The following ROBO2 variants were observed in gnomAD, a reference collection of about 807,000 sequenced individuals.
ROBO2 encodes roundabout homolog 2.
Under a neutral mutation model 160.8 loss-of-function variants are expected in ROBO2, and 53 were observed. That is an observed-to-expected ratio of 0.33 (90% CI 0.26 to 0.41). The LOEUF is 0.41. Ranked by LOEUF, ROBO2 falls within the 10% of genes least tolerant of loss-of-function variation. The pLI, the probability that ROBO2 is intolerant of heterozygous loss-of-function variation, is 1.00. For missense variants in ROBO2, 1,577 were observed against 1,722.4 expected, an observed-to-expected ratio of 0.92 and a Z score of 1.49; for synonymous variants, 664 against 611.7, an observed-to-expected ratio of 1.09 and a Z score of -1.26.
chr3:77,235,355 A>ATTTT (rs35778905), intron 2 of ROBO2, among the ~76,000 whole-genome samples: 28,275 of 143,522 alleles, frequency 0.2, 3,140 homozygotes, highest in Middle Eastern at 0.29. Flanking sequence ...AGAGGAGAAT[A>ATTTT]TTTTTTTTTT....
intron 2 of ROBO2, among the ~76,000 whole-genome samples, chr3:76,631,782 C>T (rs938934865): frequency 1.3e-5 from 2 of 151,996 alleles, no homozygotes; most frequent in Non-Finnish European, 2.9e-5. Context: ...ATTAGCAATC[C>T]CACCTCCCTA....
intron 1 of ROBO2, among the ~76,000 whole-genome samples, chr3:77,066,540 A>G (rs949344111): frequency 1.3e-5 from 2 of 152,188 alleles, no homozygotes; most frequent in African/African-American, 4.8e-5. Flanking sequence ...TGAAAAAAGT[A>G]TTTGTATTTG....
At chr3:77,434,763 G>T (rs1342967795) in intron 2 of ROBO2, among the ~76,000 whole-genome samples, 1 of 152,042 alleles carries the variant, frequency 6.6e-6, no homozygotes, top group Non-Finnish European at 1.5e-5. Context: ...AGTGTTTTTG[G>T]TGTTAAGGGT....
At chr3:76,140,183 A>G (rs570564129) in intron 2 of ROBO2, among the ~76,000 whole-genome samples, 2 of 152,230 alleles carry the variant, frequency 1.3e-5, no homozygotes, top group South Asian at 4.1e-4. Flanking sequence ...AAGAACCTAC[A>G]TGAAAGCTGA....
In ROBO2 at chr3:76,689,179, A is replaced by G. The variant is rs968738409; in HGVS notation, c.110-408835A>G. Among the ~76,000 whole-genome samples the G allele has an allele frequency of 2.6e-5, 4 of 152,106 alleles. No homozygotes were observed. The East Asian group carries it at 5.8e-4, about 22-fold the overall frequency. Reference sequence around the variant, plus strand: ...TGGTATCTTATTGACAAATTCAATTATGTTTCAGAAATATATAACATCATG... The same window carrying G: ...TGGTATCTTATTGACAAATTCAATTGTGTTTCAGAAATATATAACATCATG... On this transcript the variant is annotated intron_variant, in intron 2 of 26. Transcript: ENST00000487694.
intron 2 of ROBO2, among the ~76,000 whole-genome samples, chr3:76,343,870 A>T (rs1031104467): frequency 6.6e-6 from 1 of 152,118 alleles, no homozygotes; most frequent in African/African-American, 2.4e-5. Context: ...TTATTCTAGT[A>T]AATCAGAATG....
intron 2 of ROBO2, among the ~76,000 whole-genome samples, chr3:77,468,525 G>A (rs1037583593): frequency 6.6e-6 from 1 of 152,172 alleles, no homozygotes; most frequent in Admixed American, 6.6e-5. Flanking sequence ...AAACATTAAG[G>A]AAGACTTGGC....
intron 5 of ROBO2, among the ~76,000 whole-genome samples, chr3:77,516,251 GT>G (rs35501511): frequency 0.02 from 3,007 of 151,598 alleles, 102 homozygotes; most frequent in African/African-American, 0.067. Context: ...CAGCTATATG[GT>G]TTGCTTTCAG....
intron 2 of ROBO2, among the ~76,000 whole-genome samples, chr3:75,986,805 A>AT (rs1362706523): frequency 1.7e-4 from 25 of 150,716 alleles, no homozygotes; most frequent in Middle Eastern, 3.4e-3. Flanking sequence ...ATCTTTTTTT[A>AT]TTTTTATTTT....
At chr3:77,597,597 C>A (rs1464172530) in intron 19 of ROBO2, among the ~76,000 whole-genome samples, 1 of 152,108 alleles carries the variant, frequency 6.6e-6, no homozygotes, top group Non-Finnish European at 1.5e-5. Flanking sequence ...TGTGCTTAAA[C>A]TGCCTTGCCA....
At chr3:77,219,307 C>G (rs1328299810) in intron 2 of ROBO2, among the ~76,000 whole-genome samples, 1 of 151,388 alleles carries the variant, frequency 6.6e-6, no homozygotes, top group East Asian at 1.9e-4. Flanking sequence ...CCCATTGTTG[C>G]TCCTTTTCAT....
intron 5 of ROBO2, among the ~76,000 whole-genome samples, chr3:77,514,187 A>G (rs1582616762): frequency 6.6e-6 from 1 of 151,788 alleles, no homozygotes; most frequent in African/African-American, 2.4e-5. Context: ...TTCATACCAA[A>G]ATAAACTCCA....
chr3:76,466,450 T>C (rs1400174441), intron 2 of ROBO2, among the ~76,000 whole-genome samples: 1 of 151,970 alleles, frequency 6.6e-6, no homozygotes, highest in Non-Finnish European at 1.5e-5. Context: ...ATACTATTCT[T>C]TTTTTATTCA....
At chr3:76,270,061 G>T (rs1484350307) in intron 2 of ROBO2, among the ~76,000 whole-genome samples, 1 of 151,972 alleles carries the variant, frequency 6.6e-6, no homozygotes, top group South Asian at 2.1e-4. Context: ...GGTTAAAATT[G>T]GAATTGACTG....
At chr3:75,950,312 A>G (rs1020681973) in intron 2 of ROBO2, among the ~76,000 whole-genome samples, 2 of 152,110 alleles carry the variant, frequency 1.3e-5, no homozygotes, top group Non-Finnish European at 2.9e-5. Flanking sequence ...AAATCTCAAC[A>G]AAGTTAAGAA....
At chr3:76,019,969 C>T (rs1488930645) in intron 2 of ROBO2, among the ~76,000 whole-genome samples, 1 of 151,748 alleles carries the variant, frequency 6.6e-6, no homozygotes, top group African/African-American at 2.4e-5. Context: ...TGTATTATGG[C>T]CTCCCCACAT....
chr3:75,993,275 T>C (rs1445262486), intron 2 of ROBO2, among the ~76,000 whole-genome samples: 1 of 152,102 alleles, frequency 6.6e-6, no homozygotes, highest in Non-Finnish European at 1.5e-5. Flanking sequence ...TGGGAAGTAA[T>C]TGAATCATGG....
intron 2 of ROBO2, among the ~76,000 whole-genome samples, chr3:77,277,357 A>G (rs1352145555): frequency 6.6e-6 from 1 of 151,746 alleles, no homozygotes; most frequent in Non-Finnish European, 1.5e-5. Context: ...TTCCATAGGT[A>G]AATGTGTGCC....
chr3:76,915,948 G>T (rs1245000359), intron 2 of ROBO2, among the ~76,000 whole-genome samples: 2 of 152,118 alleles, frequency 1.3e-5, no homozygotes, highest in East Asian at 3.9e-4. Flanking sequence ...GTGGAGAACA[G>T]AGGCAGAAAG....
Sources: gnomAD v4.1 joint callset for allele counts (sites outside exome capture counted in the v4.1 genomes callset) on GRCh38, gnomAD v4.1.1 for gene constraint, MANE v1.5 for transcripts, NCBI Gene and HGNC (gene_info 2026-07-23, HGNC 2026-07-21) for gene names.